The following RGMB variants were observed in gnomAD, a reference collection of about 807,000 sequenced individuals.
RGMB encodes repulsive guidance molecule BMP co-receptor b.
RGMB carries 16 observed loss-of-function variants against 26.9 expected under a neutral mutation model. The ratio of observed to expected loss-of-function variants is 0.60; its 90% CI spans 0.40 to 0.90. The LOEUF (loss-of-function observed/expected upper bound fraction) is 0.90, where lower values mean the gene tolerates loss of function less well. Among genes scored for constraint, RGMB ranks in the 40% least tolerant of loss-of-function variants. The probability of loss-of-function intolerance (pLI) is 0.00; values close to 1 mark genes in which losing one functional copy is unlikely to be tolerated. For synonymous variants in RGMB, 225 were observed against 229.3 expected, an observed-to-expected ratio of 0.98 and a Z score of 0.17; for missense variants, 512 against 573.3, an observed-to-expected ratio of 0.89 and a Z score of 1.09.
At chr5:98,789,257 C>T (rs903101981) in intron 2 of RGMB, among the ~76,000 whole-genome samples, 6 of 152,238 alleles carry the variant, frequency 3.9e-5, no homozygotes, top group Middle Eastern at 3.2e-3. Flanking sequence ...CCTACACTCA[C>T]AGTGCCAAAT....
chr5:98,775,472 C>G (rs1746371368), intron 1 of RGMB, among the ~76,000 whole-genome samples: 1 of 152,088 alleles, frequency 6.6e-6, no homozygotes, highest in African/African-American at 2.4e-5. Flanking sequence ...CATGTAGTTA[C>G]GTGGAAAATT....
At position 98,793,735 on chromosome 5, in the gene RGMB, C is replaced by T. The variant is rs533609370; in HGVS notation, c.1296C>T (p.Ile432=). ...LSVSLGLTCL[I]LIVFL is the part of the protein sequence containing the mutation. Reference sequence around the variant, plus strand: ...TCAGTCTAGGACTCACCTGCTTGATCCTTATCGTGTTTTTGTAGGGGTTGT... The same window carrying T: ...TCAGTCTAGGACTCACCTGCTTGATTCTTATCGTGTTTTTGTAGGGGTTGT... The change falls in exon 3 of 3, where the codon ATC becomes ATT. Residue 432 remains isoleucine (I), a synonymous_variant. Coordinates refer to ENST00000513185, the MANE Select transcript of RGMB (RefSeq NM_001366508.1). 1 of 1,576,730 alleles carries T rather than the reference C, an allele frequency of 6.3e-7. No individual in the cohort carries two copies. The highest frequency in any genetic ancestry group is 1.9e-5 in the Admixed American group (1 of 53,750).
intron 2 of RGMB, among the ~76,000 whole-genome samples, chr5:98,791,479 G>A (rs940408611): frequency 2.0e-5 from 3 of 152,080 alleles, no homozygotes; most frequent in African/African-American, 4.8e-5. Context: ...TGAGGACTTC[G>A]GGTGGGCAGG....
intron 1 of RGMB, among the ~76,000 whole-genome samples, chr5:98,778,265 T>A (rs1207688113): frequency 6.6e-6 from 1 of 152,184 alleles, no homozygotes; most frequent in Non-Finnish European, 1.5e-5. Context: ...CTTTATCAGA[T>A]GGAGTTCCCT....
Position 98,779,749 on chromosome 5 carries a change from C to G in RGMB, c.306C>G (p.Asn102Lys), listed in dbSNP as rs1320909982. Residue 102 changes from asparagine (N) to lysine (K), a missense_variant, in exon 2 of 3, where the codon AAC becomes AAG. Coordinates refer to ENST00000513185, the MANE Select transcript of RGMB (RefSeq NM_001366508.1). ...TQRTSKACRG[N>K]LVYHSAVLGI... ...GAACTTCAAAAGCCTGCCGTGGCAA[C>G]CTGGTATACCATTCTGCCGTGTTGG... 6.2e-6 allele frequency: 10 copies of G among 1,613,830 alleles called. No individual in the cohort carries two copies. Among genetic ancestry groups the G allele is most frequent in the Non-Finnish European group, 8.5e-6 (10 of 1,179,832 alleles).
chr5:98,770,384 G>A, upstream of RGMB: 1 of 392,016 alleles, frequency 2.6e-6, no homozygotes, highest in Non-Finnish European at 4.5e-6. Context: ...GAGATAAATG[G>A]ACAGGAAGCG....
intron 2 of RGMB, among the ~76,000 whole-genome samples, chr5:98,786,199 T>A (rs1746762383): frequency 6.6e-6 from 1 of 152,230 alleles, no homozygotes; most frequent in Admixed American, 6.5e-5. Context: ...TGCCACTCCT[T>A]CTGTCCCAGA....
chr5:98,793,685 C>T lies in RGMB; in HGVS notation c.1246C>T (p.Pro416Ser), dbSNP rs747688122. The T allele has an allele frequency of 2.5e-6, 4 of 1,612,706 alleles. No individual in the cohort carries two copies. The Admixed American group carries it at 5.0e-5, about 20-fold the overall frequency. ...HIFPSSGNGT[P>S]RGGSDLSVSL... ...TTTCCCCAGCAGTGGCAATGGGACT[C>T]CCCGTGGAGGCAGTGATTTGTCTGT... The change falls in exon 3 of 3, where the codon CCC becomes TCC. Residue 416 changes from proline to serine, a missense_variant. By Grantham distance (74) the Pro-to-Ser change is moderately conservative. Transcript: ENST00000513185.
At chr5:98,773,293 G>C (rs2112331369), upstream of RGMB, 1 of 152,322 alleles carries the variant, frequency 6.6e-6, no homozygotes, top group East Asian at 1.9e-4. Context: ...TCAAGGAGAG[G>C]TCAAAGGCCG....
At chr5:98,776,417 A>G (rs2112342435) in intron 1 of RGMB, among the ~76,000 whole-genome samples, 1 of 152,314 alleles carries the variant, frequency 6.6e-6, no homozygotes, top group East Asian at 1.9e-4. Context: ...TAGAGATCCA[A>G]TATGGGAGTT....
chr5:98,784,899 A>G lies in RGMB; in HGVS notation c.645+4811A>G, dbSNP rs534321110. On this transcript the variant is annotated intron_variant, in intron 2 of 2. Transcript: ENST00000513185. ...GGGGGACGCATGGTATTTGTGGGGGAAAAATAGACCATTTTCCCTCCACAA... is the reference window on the plus strand; with the variant it reads ...GGGGGACGCATGGTATTTGTGGGGGGAAAATAGACCATTTTCCCTCCACAA... Among the ~76,000 whole-genome samples the G allele has an allele frequency of 5.9e-5, 9 of 152,188 alleles. No individual in the cohort carries two copies. The South Asian group carries it at 8.3e-4, about 14-fold the overall frequency.
At chr5:98,774,365 C>T (rs1746314204) in intron 1 of RGMB, among the ~76,000 whole-genome samples, 159 bp downstream of exon 1, 1 of 152,080 alleles carries the variant, frequency 6.6e-6, no homozygotes, top group African/African-American at 2.4e-5. Context: ...GGGCTCCGGG[C>T]CACAGTAACG....
At chr5:98,770,473 G>A, upstream of RGMB, 1 of 438,214 alleles carries the variant, frequency 2.3e-6, no homozygotes, top group Non-Finnish European at 4.0e-6. Context: ...CAGCGGCGGA[G>A]CCCGCAGGGA....
At position 98,795,622 on chromosome 5, in the gene RGMB, T is replaced by G. The variant is rs182886326; in HGVS notation, c.*1869T>G. The G allele has an allele frequency of 5.3e-5, 8 of 152,318 alleles. No individual in the cohort carries two copies. Among genetic ancestry groups the G allele is most frequent in the African/African-American group, 1.9e-4 (8 of 41,570 alleles). 9.4% of individuals were successfully genotyped at this position (152,318 alleles called of 1,614,324 possible). A position where few individuals can be genotyped will look rare whatever the true frequency, so the allele number is the denominator to read the frequency against. ...TAGAGAGTTGAAACCTAAACCCGCC[T>G]TCCTTTTATAGAAGCTGGACTAGAG... On this transcript the variant is annotated 3_prime_UTR_variant, in exon 3 of 3. Coordinates refer to ENST00000513185, the MANE Select transcript of RGMB (RefSeq NM_001366508.1).
chr5:98,789,559 T>G (rs1458020490), intron 2 of RGMB, among the ~76,000 whole-genome samples: 1 of 152,218 alleles, frequency 6.6e-6, no homozygotes, highest in Non-Finnish European at 1.5e-5. Flanking sequence ...AAGTTCTTAT[T>G]GCCTATTTCA....
chr5:98,773,469 T>TAA (rs1486278329), upstream of RGMB: 3 of 156,744 alleles, frequency 1.9e-5, no homozygotes, highest in African/African-American at 7.2e-5. Flanking sequence ...GAACTCGAAT[T>TAA]ACACTGAGCG....
Position 98,793,657 on chromosome 5 carries a change from C to T in RGMB, c.1218C>T (p.His406=), listed in dbSNP as rs1471075717. Reference sequence around the variant, plus strand: ...TGCACCCAAGGAAGGAACGCTGGCACATTTTCCCCAGCAGTGGCAATGGGA... The same window carrying T: ...TGCACCCAAGGAAGGAACGCTGGCATATTTTCCCCAGCAGTGGCAATGGGA... ...EALHPRKERW[H]IFPSSGNGTP... The change falls in exon 3 of 3, where the codon CAC becomes CAT. Residue 406 remains histidine (H), a synonymous_variant. Coordinates refer to ENST00000513185, the MANE Select transcript of RGMB (RefSeq NM_001366508.1). The T allele has an allele frequency of 2.2e-5, 36 of 1,613,964 alleles. No homozygotes were observed. Among genetic ancestry groups the T allele is most frequent in the Admixed American group, 3.3e-5 (2 of 60,022 alleles).
intron 1 of RGMB, among the ~76,000 whole-genome samples, chr5:98,778,475 TAA>T (rs1449754830): frequency 1.3e-5 from 2 of 152,208 alleles, no homozygotes; most frequent in African/African-American, 2.4e-5. Flanking sequence ...TTAAAGAGAT[TAA>T]GAGACGTCTC....
chr5:98,773,680 G>T lies in RGMB; in HGVS notation c.-391G>T, dbSNP rs1443460425. 6.6e-4 allele frequency: 238 copies of T among 358,098 alleles called. No homozygotes were observed. The highest frequency in any genetic ancestry group is 1.4e-4 in the Non-Finnish European group (29 of 200,256). The allele number at this position is 358,098 out of a possible 1,614,324, so 22.2% of individuals were successfully genotyped here. ...GCTGCCGCGCAGAGATATCCGGGCCGCCGGTGGGTGGTCGCTAGGGCTGGG... is the reference window on the plus strand; with the variant it reads ...GCTGCCGCGCAGAGATATCCGGGCCTCCGGTGGGTGGTCGCTAGGGCTGGG... On this transcript the variant is annotated 5_prime_UTR_variant, in exon 1 of 3. Coordinates refer to ENST00000513185, the MANE Select transcript of RGMB (RefSeq NM_001366508.1).
Sources: allele counts gnomAD v4.1 joint callset (sites outside exome capture counted in the v4.1 genomes callset), GRCh38; gene constraint gnomAD v4.1.1; transcripts MANE v1.5; gene names NCBI Gene and HGNC (gene_info 2026-07-23, HGNC 2026-07-21).